Variants in FSD1L observed in about 807,000 individuals in gnomAD.
FSD1L encodes the protein FSD1-like protein.
In FSD1L, 45 loss-of-function variants were observed where a neutral mutation model predicts 71.6. The ratio of observed to expected loss-of-function variants is 0.63; its 90% CI spans 0.49 to 0.81. The LOEUF is 0.81. Among genes scored for constraint, FSD1L ranks in the 30% least tolerant of loss-of-function variants. FSD1L has a pLI of 0.00. For missense variants in FSD1L, 561 were observed against 618.1 expected (o/e 0.91, Z 0.98); for synonymous variants, 197 against 207.2 (o/e 0.95, Z 0.42).
chr9:105,541,820 A>G (rs1200469225), intron 13 of FSD1L, among the ~76,000 whole-genome samples: 1 of 152,176 alleles, frequency 6.6e-6, no homozygotes, highest in Admixed American at 6.5e-5. Flanking sequence ...CCTAGCTATC[A>G]GTAACCAGTT....
At chr9:105,481,178 T>TGTGTGTGG (rs1204401971) in intron 6 of FSD1L, among the ~76,000 whole-genome samples, 1 of 122,174 alleles carries the variant, frequency 8.2e-6, no homozygotes, top group African/African-American at 2.9e-5. Flanking sequence ...TGTGTGTGTG[T>TGTGTGTGG]GGTTCTTTTT....
rs1205977128 is a variant in FSD1L, at chr9:105,476,831, T to TA, written c.442-2522dup. Reference sequence around the variant, plus strand: ...TTGAAATTGGGCCCTTTCAAAGAAATATCTTCAGAATTTGAAACTCTGCCT... The same window carrying TA: ...TTGAAATTGGGCCCTTTCAAAGAAATAATCTTCAGAATTTGAAACTCTGCCT... On this transcript the variant is annotated intron_variant, in intron 5 of 13. Transcript: ENST00000481272. Among the ~76,000 whole-genome samples the TA allele has an allele frequency of 3.9e-5, 6 of 152,282 alleles. No individual in the cohort carries two copies. The East Asian group carries it at 1.2e-3, about 29-fold the overall frequency.
intron 3 of FSD1L, among the ~76,000 whole-genome samples, chr9:105,464,645 A>T (rs1473962660): frequency 2.0e-5 from 3 of 152,196 alleles, no homozygotes; most frequent in Non-Finnish European, 4.4e-5. Context: ...AAGTGCTGGC[A>T]AGTAAAACGT....
intron 5 of FSD1L, among the ~76,000 whole-genome samples, chr9:105,476,947 C>T (rs1437695478): frequency 6.6e-6 from 1 of 152,090 alleles, no homozygotes; most frequent in Non-Finnish European, 1.5e-5. Flanking sequence ...AAAGTGGAGC[C>T]ATGGGAGTTT....
chr9:105,532,529 C>T (rs1022069117), intron 10 of FSD1L, among the ~76,000 whole-genome samples: 1 of 151,886 alleles, frequency 6.6e-6, no homozygotes, highest in South Asian at 2.1e-4. Context: ...TGTTTCTATC[C>T]TTCATTTTGG....
At position 105,466,904 on chromosome 9, in the gene FSD1L, C is replaced by T. The variant is rs575498545; in HGVS notation, c.208-1289C>T. On this transcript the variant is annotated intron_variant, in intron 3 of 13. Coordinates refer to ENST00000481272, the MANE Select transcript of FSD1L (RefSeq NM_001145313.3). The stretch of plus-strand genomic sequence containing the variant: ...GATTGATAAATTATTAGAATTCTAC[C>T]TTAACGTTAGAAAAAAAAAGTAGTG... Among the ~76,000 whole-genome samples the T allele has an allele frequency of 2.4e-4, 37 of 151,994 alleles. 1 individual carries two copies. The highest frequency in any genetic ancestry group is 8.9e-4 in the African/African-American group (37 of 41,466).
intron 5 of FSD1L, 41 bp from the exon 6 acceptor site, chr9:105,479,313 A>G: frequency 1.3e-6 from 2 of 1,546,462 alleles, no homozygotes; most frequent in Non-Finnish European, 1.7e-6. Flanking sequence ...CATGAAAAGC[A>G]CTAACTTGCC....
intron 3 of FSD1L, among the ~76,000 whole-genome samples, chr9:105,464,895 G>A (rs1008087516): frequency 2.0e-4 from 30 of 152,080 alleles, no homozygotes; most frequent in Admixed American, 2.0e-4. Flanking sequence ...TAGGAGGATC[G>A]TCTGAGCCCA....
At chr9:105,532,275 T>G (rs1044205224) in intron 10 of FSD1L, among the ~76,000 whole-genome samples, 3 of 152,226 alleles carry the variant, frequency 2.0e-5, no homozygotes, top group African/African-American at 7.2e-5. Context: ...GTGATCGGGC[T>G]TTTAACATTC....
chr9:105,515,538 T>C (rs535259024), intron 10 of FSD1L, among the ~76,000 whole-genome samples: 1 of 152,082 alleles, frequency 6.6e-6, no homozygotes, highest in South Asian at 2.1e-4. Context: ...GAGGGCGAGC[T>C]GAAGCAGGGT....
Position 105,462,982 on chromosome 9 carries a change from G to A in FSD1L, c.112-1254G>A, listed in dbSNP as rs552697060. Among the ~76,000 whole-genome samples, 241 of 150,978 alleles carry A rather than the reference G, an allele frequency of 1.6e-3. 2 individuals carry two copies. The highest frequency in any genetic ancestry group is 2.3e-3 in the South Asian group (11 of 4,718). Reference sequence around the variant, plus strand: ...GTGAAGCCCCGTCTCTACTAAAAATGCAAAAATTAGCTGGGCGTGGTGGCG... The same window carrying A: ...GTGAAGCCCCGTCTCTACTAAAAATACAAAAATTAGCTGGGCGTGGTGGCG... On this transcript the variant is annotated intron_variant, in intron 2 of 13. Transcript: ENST00000481272.
At chr9:105,544,990 G>A (rs1836886874) in intron 13 of FSD1L, among the ~76,000 whole-genome samples, 1 of 152,078 alleles carries the variant, frequency 6.6e-6, no homozygotes, top group African/African-American at 2.4e-5. Context: ...TGATGGGGAT[G>A]GCATTAAATC....
chr9:105,507,955 G>A (rs971411517), intron 8 of FSD1L, among the ~76,000 whole-genome samples: 1 of 141,660 alleles, frequency 7.1e-6, no homozygotes, highest in African/African-American at 2.7e-5. Flanking sequence ...GCAATTGCAC[G>A]ATCTCGGCTC....
intron 10 of FSD1L, among the ~76,000 whole-genome samples, chr9:105,513,358 G>T (rs1300418158): frequency 2.0e-5 from 3 of 152,094 alleles, no homozygotes; most frequent in Non-Finnish European, 4.4e-5. Context: ...AACCTAAGAG[G>T]CAGGTTCAAG....
chr9:105,473,418 A>G (rs1831600784), intron 5 of FSD1L: 1 of 152,264 alleles, frequency 6.6e-6, no homozygotes, highest in South Asian at 2.1e-4. Flanking sequence ...AAGATGTCTT[A>G]GTCATCAAAA....
At chr9:105,540,384 TC>T (rs34313589) in intron 13 of FSD1L, among the ~76,000 whole-genome samples, 1 of 152,140 alleles carries the variant, frequency 6.6e-6, no homozygotes, top group African/African-American at 2.4e-5. Context: ...CTTTCCTTTT[TC>T]CTTATTGGTA....
chr9:105,520,532 A>G, intron 10 of FSD1L: 2 of 1,195,688 alleles, frequency 1.7e-6, no homozygotes, highest in Non-Finnish European at 2.5e-6. Context: ...AAAATTTTAC[A>G]ACTTCTTCCA....
chr9:105,537,838 C>T (rs1321361945), intron 12 of FSD1L, among the ~76,000 whole-genome samples: 1 of 152,136 alleles, frequency 6.6e-6, no homozygotes, highest in East Asian at 1.9e-4. Flanking sequence ...GTGCTTTTCA[C>T]ATAGAAAGCC....
At chr9:105,448,873 G>T (rs1328938921) in intron 1 of FSD1L, among the ~76,000 whole-genome samples, 2 of 152,186 alleles carry the variant, frequency 1.3e-5, no homozygotes, top group Non-Finnish European at 1.5e-5. Flanking sequence ...CTTAGGGGTC[G>T]TTGTGGAATG....
Sources: gnomAD v4.1 joint callset for allele counts (sites outside exome capture counted in the v4.1 genomes callset) on GRCh38, gnomAD v4.1.1 for gene constraint, MANE v1.5 for transcripts, NCBI Gene and HGNC (gene_info 2026-07-23, HGNC 2026-07-21) for gene names.